The following ADAMTSL1 variants were observed in gnomAD, a reference collection of about 807,000 sequenced individuals.
The protein encoded by ADAMTSL1 is ADAMTS like 1.
A neutral mutation model predicts 201.8 loss-of-function variants in ADAMTSL1; 126 were observed. The ratio of observed to expected loss-of-function variants is 0.62; its 90% CI spans 0.54 to 0.72. The LOEUF (loss-of-function observed/expected upper bound fraction) is 0.72. Ranked by LOEUF, ADAMTSL1 falls within the 30% of genes least tolerant of loss-of-function variation. ADAMTSL1 has a pLI of 0.00. For synonymous variants in ADAMTSL1, 1,121 were observed against 903.4 expected, an observed-to-expected ratio of 1.24 and a Z score of -4.32; for missense variants, 2,679 against 2,277.8, an observed-to-expected ratio of 1.18 and a Z score of -3.59.
intron 1 of ADAMTSL1, among the ~76,000 whole-genome samples, chr9:18,119,541 G>T (rs942822673): frequency 6.6e-6 from 1 of 151,940 alleles, no homozygotes; most frequent in African/African-American, 2.4e-5. Flanking sequence ...GACCTCAGGT[G>T]ATCCGCCCAG....
chr9:18,647,912 G>A (rs553850990), intron 7 of ADAMTSL1, among the ~76,000 whole-genome samples: 1 of 150,572 alleles, frequency 6.6e-6, no homozygotes, highest in South Asian at 2.1e-4. Flanking sequence ...TCCGCTTGGT[G>A]CAGAGCTGAG....
Position 18,777,419 on chromosome 9 carries a change from C to T in ADAMTSL1, c.3190C>T (p.Leu1064Phe), listed in dbSNP as rs775375210. The change falls in exon 19 of 29, where the codon CTC (leucine) becomes TTC (phenylalanine). Residue 1064 changes from leucine to phenylalanine, a missense_variant. By Grantham distance (22) the Leu-to-Phe change is conservative. Coordinates refer to ENST00000380548, the MANE Select transcript of ADAMTSL1 (RefSeq NM_001040272.6). ...SEEDPGAEQVLLHLPFTMVTE... is the reference protein window; with the variant it reads ...SEEDPGAEQVFLHLPFTMVTE... ...GGAGGACCCGGGTGCAGAGCAAGTG[C>T]TCCTGCACCTGCCCTTCACCATGGT... is the stretch of plus-strand genomic sequence containing the variant. 1.2e-6 allele frequency: 2 copies of T among 1,601,454 alleles called. No homozygotes were observed. The highest frequency in any genetic ancestry group is 1.7e-6 in the Non-Finnish European group (2 of 1,174,580).
intron 2 of ADAMTSL1, among the ~76,000 whole-genome samples, chr9:18,280,138 G>C (rs372715475): frequency 2.0e-5 from 3 of 152,016 alleles, no homozygotes; most frequent in African/African-American, 7.3e-5. Context: ...ACCTGGCTAG[G>C]TACCAGGTGT....
At chr9:18,085,421 A>T (rs1587008861) in intron 1 of ADAMTSL1, among the ~76,000 whole-genome samples, 1 of 150,372 alleles carries the variant, frequency 6.7e-6, no homozygotes, top group Non-Finnish European at 1.5e-5. Context: ...AGTGCCTGAT[A>T]CATACTAATT....
At chr9:18,279,239 T>C (rs1363545625) in intron 2 of ADAMTSL1, among the ~76,000 whole-genome samples, 4 of 152,152 alleles carry the variant, frequency 2.6e-5, no homozygotes, top group Non-Finnish European at 5.9e-5. Flanking sequence ...AGAACCTACA[T>C]GTATAAAAGT....
intron 2 of ADAMTSL1, among the ~76,000 whole-genome samples, chr9:18,188,308 T>A (rs998061821): frequency 6.6e-6 from 1 of 152,170 alleles, no homozygotes; most frequent in Non-Finnish European, 1.5e-5. Context: ...AGGAATTAGT[T>A]GGCACTGGCA....
chr9:18,593,248 G>C (rs1824041291), intron 4 of ADAMTSL1, among the ~76,000 whole-genome samples: 1 of 152,072 alleles, frequency 6.6e-6, no homozygotes, highest in Admixed American at 6.5e-5. Context: ...ACTTCCAGTA[G>C]TATGTTAAAT....
At chr9:18,194,967 C>G (rs980066935) in intron 2 of ADAMTSL1, among the ~76,000 whole-genome samples, 36 of 151,928 alleles carry the variant, frequency 2.4e-4, no homozygotes, top group African/African-American at 7.7e-4. Context: ...GCATTGCTAC[C>G]TCTTCATAAT....
chr9:18,340,254 C>T (rs1273941293), intron 2 of ADAMTSL1, among the ~76,000 whole-genome samples: 1 of 152,148 alleles, frequency 6.6e-6, no homozygotes, highest in South Asian at 2.1e-4. Context: ...TTCTCAGATT[C>T]TGTCTTATGC....
intron 1 of ADAMTSL1, among the ~76,000 whole-genome samples, chr9:18,495,967 T>C (rs1822515221): frequency 6.6e-6 from 1 of 152,212 alleles, no homozygotes; most frequent in African/African-American, 2.4e-5. Context: ...TCCAGGCATT[T>C]CATCATTGAT....
chr9:18,822,911 A>G (rs528416615), intron 21 of ADAMTSL1, among the ~76,000 whole-genome samples: 16 of 152,342 alleles, frequency 1.1e-4, no homozygotes, highest in Admixed American at 1.0e-3. Flanking sequence ...ACTCTGTGGA[A>G]CATTCAAGGG....
At chr9:18,471,856 T>G (rs1260511984), upstream of ADAMTSL1, among the ~76,000 whole-genome samples, 2 of 152,212 alleles carry the variant, frequency 1.3e-5, no homozygotes, top group Non-Finnish European at 2.9e-5. Context: ...GGCAGAAATT[T>G]CTGACTCAAA....
At chr9:18,595,675 G>A (rs779214464) in intron 4 of ADAMTSL1, among the ~76,000 whole-genome samples, 5 of 152,194 alleles carry the variant, frequency 3.3e-5, no homozygotes, top group Non-Finnish European at 7.3e-5. Context: ...GGCAAATTTC[G>A]GGTCCACTGC....
At chr9:18,171,854 G>C in intron 2 of ADAMTSL1, among the ~76,000 whole-genome samples, 1 of 152,036 alleles carries the variant, frequency 6.6e-6, no homozygotes, top group Non-Finnish European at 1.5e-5. Flanking sequence ...GTTAATTTTT[G>C]TGTAAGGTGT....
At chr9:18,119,064 A>G (rs867598672) in intron 1 of ADAMTSL1, among the ~76,000 whole-genome samples, 2 of 152,240 alleles carry the variant, frequency 1.3e-5, no homozygotes, top group South Asian at 2.1e-4. Context: ...TTAACCTACA[A>G]TTTCTTCATC....
intron 3 of ADAMTSL1, among the ~76,000 whole-genome samples, chr9:18,545,942 C>T (rs1820440301): frequency 6.6e-6 from 1 of 152,172 alleles, no homozygotes; most frequent in Non-Finnish European, 1.5e-5. Context: ...CTCATTAACA[C>T]CAAGATGTGC....
intron 7 of ADAMTSL1, among the ~76,000 whole-genome samples, chr9:18,647,921 A>C (rs1405851961): frequency 6.7e-6 from 1 of 150,294 alleles, no homozygotes; most frequent in Non-Finnish European, 1.5e-5. Context: ...TGCAGAGCTG[A>C]GTTCAATTCC....
chr9:18,699,231 A>G (rs1314034020), intron 13 of ADAMTSL1, among the ~76,000 whole-genome samples: 1 of 152,128 alleles, frequency 6.6e-6, no homozygotes, highest in Non-Finnish European at 1.5e-5. Context: ...TCAACCCAAA[A>G]GAGCGTCATT....
At position 17,959,178 on chromosome 9, in the gene ADAMTSL1, A is replaced by G. The variant is rs80248646; in HGVS notation, c.87+52256A>G. On this transcript the variant is annotated intron_variant, in intron 1 of 29. Coordinates refer to the ADAMTSL1 transcript ENST00000680146. ...ATATGTTTGACTTAAATGCTCAAAG[A>G]CGGCAAACTAAAAGTTAAATTTGTG... is the stretch of plus-strand genomic sequence containing the variant. Among the ~76,000 whole-genome samples, 403 of 152,338 alleles carry G rather than the reference A, an allele frequency of 2.6e-3. 2 individuals are homozygous for G. Among genetic ancestry groups the G allele is most frequent in the African/African-American group, 8.2e-3 (343 of 41,580 alleles).
Sources: allele counts gnomAD v4.1 joint callset (sites outside exome capture counted in the v4.1 genomes callset), GRCh38; gene constraint gnomAD v4.1.1; transcripts MANE v1.5; gene names NCBI Gene and HGNC (gene_info 2026-07-23, HGNC 2026-07-21).